The following ANXA7 variants were observed in gnomAD, a reference collection of about 807,000 sequenced individuals.
ANXA7 encodes the protein annexin A7.
Under a neutral mutation model 64.9 loss-of-function variants are expected in ANXA7, and 55 were observed. The observed-to-expected ratio is 0.85, with a 90% CI of 0.68 to 1.06. The LOEUF (loss-of-function observed/expected upper bound fraction) is 1.06. ANXA7 is among the 50% of genes least tolerant of loss of function. The pLI, the probability that ANXA7 is intolerant of heterozygous loss-of-function variation, is 0.00. For synonymous variants in ANXA7, 200 were observed against 192.4 expected, an observed-to-expected ratio of 1.04 and a Z score of -0.33; for missense variants, 548 against 582.1, an observed-to-expected ratio of 0.94 and a Z score of 0.60.
intron 8 of ANXA7, 42 bp from the exon 9 acceptor site, chr10:73,383,387 T>C (rs1358436481): frequency 1.3e-6 from 2 of 1,543,694 alleles, no homozygotes; most frequent in Non-Finnish European, 1.8e-6. Flanking sequence ...AAAAATGAAA[T>C]TTCTGCAAGT....
intron 1 of ANXA7, among the ~76,000 whole-genome samples, chr10:73,411,900 A>G (rs547195890): frequency 1.3e-5 from 2 of 152,098 alleles, no homozygotes; most frequent in East Asian, 3.9e-4. Context: ...GAAAAACTGC[A>G]TAGTGTGCTG....
chr10:73,392,904 G>A (rs1328679649), intron 5 of ANXA7, among the ~76,000 whole-genome samples: 2 of 152,138 alleles, frequency 1.3e-5, no homozygotes, highest in East Asian at 1.9e-4. Flanking sequence ...AAAAGAGGAA[G>A]TCAAATTGTT....
chr10:73,396,080 A>G (rs1300205556), intron 5 of ANXA7: 2 of 1,599,150 alleles, frequency 1.3e-6, no homozygotes, highest in Non-Finnish European at 1.7e-6. Flanking sequence ...GAGAGAAAAC[A>G]GGATAGGAAG....
chr10:73,388,975 C>T (rs2055424568), intron 5 of ANXA7, among the ~76,000 whole-genome samples: 4 of 152,274 alleles, frequency 2.6e-5, no homozygotes, highest in South Asian at 4.1e-4. Context: ...CAAGAATCAA[C>T]AGTGGGTGCT....
chr10:73,383,063 T>C (rs779353542), intron 9 of ANXA7, 112 bp downstream of exon 9: 8 of 921,880 alleles, frequency 8.7e-6, no homozygotes, highest in African/African-American at 6.7e-5. Flanking sequence ...CTCTTAAAGA[T>C]GGCAATATTG....
chr10:73,388,214 G>A, intron 6 of ANXA7, 98 bp downstream of exon 6: 2 of 829,588 alleles, frequency 2.4e-6, no homozygotes, highest in South Asian at 1.5e-5. Context: ...GCGCACCCAG[G>A]CTGACACATA....
chr10:73,391,432 A>C (rs1311014247), intron 5 of ANXA7, among the ~76,000 whole-genome samples: 1 of 151,774 alleles, frequency 6.6e-6, no homozygotes, highest in Non-Finnish European at 1.5e-5. Context: ...GCAACACAGC[A>C]AAACCTTCAT....
chr10:73,399,552 G>A (rs1208085416), intron 2 of ANXA7, among the ~76,000 whole-genome samples: 1 of 152,244 alleles, frequency 6.6e-6, no homozygotes, highest in African/African-American at 2.4e-5. Flanking sequence ...GCTGGGCTAA[G>A]TGGCTCATGC....
chr10:73,397,540 C>A (rs1054458370), intron 3 of ANXA7, among the ~76,000 whole-genome samples: 6 of 152,192 alleles, frequency 3.9e-5, no homozygotes, highest in African/African-American at 1.2e-4. Context: ...TCACTGCAAA[C>A]TCTACCTACC....
At chr10:73,392,780 G>GA (rs2055506865) in intron 5 of ANXA7, among the ~76,000 whole-genome samples, 1 of 152,102 alleles carries the variant, frequency 6.6e-6, no homozygotes. Flanking sequence ...CATTCCCTTT[G>GA]AAAACTGGCA....
intron 1 of ANXA7, among the ~76,000 whole-genome samples, chr10:73,407,412 G>A (rs747563917): frequency 3.9e-5 from 6 of 152,112 alleles, no homozygotes; most frequent in Non-Finnish European, 7.4e-5. Flanking sequence ...CCTAGGGATC[G>A]TGTTAAAATA....
At chr10:73,398,441 C>T in intron 2 of ANXA7, 56 bp from the exon 3 acceptor site, 2 of 1,475,340 alleles carry the variant, frequency 1.4e-6, no homozygotes, top group Non-Finnish European at 1.9e-6. Context: ...TATGACCCAT[C>T]TAAAAATAAG....
chr10:73,384,171 G>A (rs2132659109), intron 7 of ANXA7, among the ~76,000 whole-genome samples: 1 of 151,610 alleles, frequency 6.6e-6, no homozygotes, highest in East Asian at 1.9e-4. Flanking sequence ...TAAATTTAAA[G>A]TCTGTTACAC....
chr10:73,378,015 G>A (rs933977446), intron 12 of ANXA7, among the ~76,000 whole-genome samples: 3 of 150,764 alleles, frequency 2.0e-5, no homozygotes, highest in African/African-American at 4.9e-5. Flanking sequence ...CAATCCTCCC[G>A]CCTTGGCCTC....
chr10:73,381,040 T>A (rs1472519841), intron 9 of ANXA7, among the ~76,000 whole-genome samples: 2 of 151,936 alleles, frequency 1.3e-5, no homozygotes, highest in Non-Finnish European at 2.9e-5. Context: ...CATCTGAGTA[T>A]AATATTTTTT....
At chr10:73,386,214 T>TAA (rs377002771) in intron 7 of ANXA7, among the ~76,000 whole-genome samples, 17 of 83,390 alleles carry the variant, frequency 2.0e-4, no homozygotes, top group East Asian at 5.5e-4. Flanking sequence ...CAAAAAAAAG[T>TAA]AAAAAAAAAA....
At chr10:73,390,695 T>TATATATATATATATATATATATATATAA (rs2055459378) in intron 5 of ANXA7, among the ~76,000 whole-genome samples, 1 of 113,280 alleles carries the variant, frequency 8.8e-6, no homozygotes, top group African/African-American at 4.0e-5. Flanking sequence ...TTTTGTAAAA[T>TATATATATATATATATATATATATATAA]ATATATATAT....
intron 8 of ANXA7, 84 bp from the exon 9 acceptor site, chr10:73,383,429 T>G: frequency 7.1e-7 from 1 of 1,399,098 alleles, no homozygotes; most frequent in East Asian, 2.4e-5. Flanking sequence ...TTCTTTGTTC[T>G]GTAGAACTAA....
At chr10:73,403,257 G>A (rs763887300) in intron 1 of ANXA7, among the ~76,000 whole-genome samples, 2 of 152,226 alleles carry the variant, frequency 1.3e-5, no homozygotes. Context: ...GGAAGGCTGA[G>A]GCAGTAGAAT....
Sources: allele counts gnomAD v4.1 joint callset (sites outside exome capture counted in the v4.1 genomes callset), GRCh38; gene constraint gnomAD v4.1.1; transcripts MANE v1.5; gene names NCBI Gene and HGNC (gene_info 2026-07-23, HGNC 2026-07-21).